RAP1A: variants seen among roughly 807,000 people sequenced by gnomAD.
The protein encoded by RAP1A is ras-related protein Rap-1A.
A neutral mutation model predicts 26.4 loss-of-function variants in RAP1A; 6 were observed. The observed-to-expected ratio is 0.23, with a 90% CI of 0.12 to 0.45. RAP1A has a LOEUF of 0.45. Ranked by LOEUF, RAP1A falls within the 20% of genes least tolerant of loss-of-function variation. The pLI is 0.99. For missense variants in RAP1A, 121 were observed against 217.2 expected, an observed-to-expected ratio of 0.56 and a Z score of 2.78; for synonymous variants, 73 against 79.4, an observed-to-expected ratio of 0.92 and a Z score of 0.43.
At chr1:111,661,752 T>C (rs1370044902) in intron 1 of RAP1A, among the ~76,000 whole-genome samples, 4 of 150,444 alleles carry the variant, frequency 2.7e-5, no homozygotes, top group African/African-American at 9.8e-5. Context: ...TGAGCCGAGA[T>C]TGCGCCACTG....
chr1:111,607,984 G>A (rs1407879982), intron 1 of RAP1A, among the ~76,000 whole-genome samples: 3 of 32,850 alleles, frequency 9.1e-5, no homozygotes, highest in African/African-American at 3.1e-4. Context: ...GCAGCTGGCC[G>A]GGCGGGGGGG....
At chr1:111,592,136 G>A (rs1253879250) in intron 1 of RAP1A, among the ~76,000 whole-genome samples, 1 of 152,166 alleles carries the variant, frequency 6.6e-6, no homozygotes, top group African/African-American at 2.4e-5. Flanking sequence ...GAAACGGATG[G>A]CAAATGTCAC....
chr1:111,633,073 C>A (rs1442883009), intron 1 of RAP1A, among the ~76,000 whole-genome samples: 1 of 152,012 alleles, frequency 6.6e-6, no homozygotes, highest in Non-Finnish European at 1.5e-5. Flanking sequence ...AAACCTAGAT[C>A]GAATGAAGAG....
chr1:111,559,176 T>G (rs1352468385), intron 1 of RAP1A, among the ~76,000 whole-genome samples: 1 of 152,170 alleles, frequency 6.6e-6, no homozygotes, highest in Non-Finnish European at 1.5e-5. Flanking sequence ...GGGATACAAC[T>G]AAACTAGTAT....
intron 1 of RAP1A, chr1:111,608,537 G>C (rs1266795499): frequency 6.0e-6 from 1 of 166,952 alleles, no homozygotes; most frequent in Non-Finnish European, 1.3e-5. Context: ...CACTTAGGGA[G>C]GCCAAGGCAG....
rs904689455 is a variant in RAP1A at position 111,713,249 on chromosome 1, C to G, written c.*848C>G. ...ACTGGCTTTAAACTATACTAAGTAA[C>G]TGGTGATTTCTCTAGGAACAGACCT... On this transcript the variant is annotated 3_prime_UTR_variant, in exon 8 of 8. Transcript: ENST00000369709. 1.3e-5 allele frequency: 2 copies of G among 152,224 alleles called. No individual in the cohort carries two copies. Among genetic ancestry groups the G allele is most frequent in the South Asian group, 2.1e-4 (1 of 4,832 alleles). The allele number at this position is 152,224 out of a possible 1,614,324, so 9.4% of individuals were successfully genotyped here. A position where few individuals can be genotyped will look rare whatever the true frequency, so the allele number is the denominator to read the frequency against.
chr1:111,695,247 A>G (rs1200208584), intron 2 of RAP1A, 94 bp from the exon 3 acceptor site: 6 of 935,480 alleles, frequency 6.4e-6, no homozygotes, highest in Non-Finnish European at 6.2e-6. Context: ...GAATTTTCAC[A>G]TAATTTCAAT....
At chr1:111,575,423 G>C (rs1455085241) in intron 1 of RAP1A, among the ~76,000 whole-genome samples, 1 of 152,170 alleles carries the variant, frequency 6.6e-6, no homozygotes, top group African/African-American at 2.4e-5. Flanking sequence ...AAAGTGCTGG[G>C]GTTACAGGTG....
upstream of RAP1A, among the ~76,000 whole-genome samples, chr1:111,617,881 T>C (rs1185218918): frequency 6.6e-6 from 1 of 151,696 alleles, no homozygotes; most frequent in African/African-American, 2.4e-5. Context: ...CCGTCTCTAA[T>C]AAAAACACAA....
rs374364748 is a variant in RAP1A, at chr1:111,641,981, A to C, written c.-28+22047A>C. Reference sequence around the variant, plus strand: ...GACAGTAGGCTGGGCACAGTGGCTCAAACCTATAATCCCAGCACTTTGGGA... The same window carrying C: ...GACAGTAGGCTGGGCACAGTGGCTCCAACCTATAATCCCAGCACTTTGGGA... On this transcript the variant is annotated intron_variant, in intron 1 of 7. Transcript: ENST00000369709. Among the ~76,000 whole-genome samples the C allele has an allele frequency of 1.9e-3, 285 of 152,316 alleles. 1 individual carries two copies. The highest frequency in any genetic ancestry group is 6.7e-3 in the African/African-American group (279 of 41,552).
At chr1:111,685,916 A>G (rs1215932163) in intron 1 of RAP1A, among the ~76,000 whole-genome samples, 1 of 152,234 alleles carries the variant, frequency 6.6e-6, no homozygotes, top group Non-Finnish European at 1.5e-5. Context: ...AAAATGTGGC[A>G]TATATACACA....
chr1:111,610,567 CACACACACACACA>C lies in RAP1A; in HGVS notation c.-28+68059_-28+68071del, dbSNP rs1557864908. Among the ~76,000 whole-genome samples, 6 of 151,568 alleles carry C rather than the reference CACACACACACACA, an allele frequency of 4.0e-5. No individual in the cohort carries two copies. The East Asian group carries it at 1.2e-3, about 29-fold the overall frequency. ...ACACACACACACACACACACACACA[CACACACACACACA>C]CCCAACACCAGTCACTGAAGATGGG... On this transcript the variant is annotated intron_variant, in intron 1 of 7. Transcript: ENST00000356415.
At chr1:111,612,603 C>T (rs1431447651) in intron 1 of RAP1A, among the ~76,000 whole-genome samples, 1 of 152,094 alleles carries the variant, frequency 6.6e-6, no homozygotes, top group Non-Finnish European at 1.5e-5. Flanking sequence ...TTTCAATGGC[C>T]ATCAAGAAAC....
At chr1:111,678,059 T>G (rs748141676) in intron 1 of RAP1A, among the ~76,000 whole-genome samples, 1 of 152,242 alleles carries the variant, frequency 6.6e-6, no homozygotes, top group African/African-American at 2.4e-5. Flanking sequence ...AGTTTTATAG[T>G]CTAGAAATCA....
chr1:111,593,679 T>TTA (rs1402915441), intron 1 of RAP1A, among the ~76,000 whole-genome samples: 9 of 144,050 alleles, frequency 6.2e-5, no homozygotes, highest in South Asian at 4.4e-4. Flanking sequence ...TTTTTTTTTT[T>TTA]ACCTTTCTAA....
At chr1:111,690,325 A>G (rs932694553) in intron 1 of RAP1A, among the ~76,000 whole-genome samples, 2 of 152,212 alleles carry the variant, frequency 1.3e-5, no homozygotes, top group African/African-American at 2.4e-5. Flanking sequence ...GTAAATCTCT[A>G]TTTATTCTTT....
At chr1:111,636,779 A>G (rs1195037824) in intron 1 of RAP1A, among the ~76,000 whole-genome samples, 1 of 152,198 alleles carries the variant, frequency 6.6e-6, no homozygotes, top group Admixed American at 6.5e-5. Flanking sequence ...CTCCCAACCA[A>G]GAAATGTAAA....
chr1:111,676,565 T>C (rs1661132082), intron 1 of RAP1A, among the ~76,000 whole-genome samples: 1 of 152,174 alleles, frequency 6.6e-6, no homozygotes, highest in South Asian at 2.1e-4. Flanking sequence ...TTTTAAGCTG[T>C]GATTTACATG....
At chr1:111,631,214 TGTTA>T (rs1417350804) in intron 1 of RAP1A, among the ~76,000 whole-genome samples, 2 of 152,224 alleles carry the variant, frequency 1.3e-5, no homozygotes. Context: ...CACTGGGTTT[TGTTA>T]GTTTTTAAGT....
Sources: allele counts gnomAD v4.1 joint callset (sites outside exome capture counted in the v4.1 genomes callset), GRCh38; gene constraint gnomAD v4.1.1; transcripts MANE v1.5; gene names NCBI Gene and HGNC (gene_info 2026-07-23, HGNC 2026-07-21).